CLCN3: variants seen among roughly 807,000 people sequenced by gnomAD.
CLCN3 encodes Cl-/H+ antiporter 3, also known as H(+)/Cl(-) exchange transporter 3.
Under a neutral mutation model 83.4 loss-of-function variants are expected in CLCN3, and 16 were observed. The observed-to-expected ratio is 0.19, with a 90% CI of 0.13 to 0.29. CLCN3 has a LOEUF of 0.29. CLCN3 is among the 10% of genes least tolerant of loss of function. The probability of loss-of-function intolerance (pLI) is 1.00; values close to 1 mark genes in which losing one functional copy is unlikely to be tolerated. For missense variants in CLCN3, 544 were observed against 1,006.0 expected, an observed-to-expected ratio of 0.54 and a Z score of 6.21; for synonymous variants, 322 against 346.2, an observed-to-expected ratio of 0.93 and a Z score of 0.78.
chr4:169,694,375 G>A (rs1315856257), intron 7 of CLCN3, among the ~76,000 whole-genome samples: 1 of 152,182 alleles, frequency 6.6e-6, no homozygotes, highest in African/African-American at 2.4e-5. Context: ...CTAGTAAGTA[G>A]CAGAGCCATG....
intron 4 of CLCN3, 114 bp from the exon 5 acceptor site, chr4:169,688,929 T>C: frequency 1.3e-6 from 1 of 770,166 alleles, no homozygotes; most frequent in Admixed American, 3.0e-5. Context: ...ATGTAGTTCA[T>C]AAATGACCCT....
At chr4:169,636,401 G>C (rs148210284) in intron 2 of CLCN3, among the ~76,000 whole-genome samples, 3 of 152,218 alleles carry the variant, frequency 2.0e-5, no homozygotes, top group African/African-American at 7.2e-5. Flanking sequence ...TGTGGAAATT[G>C]ATGAATTCCT....
At position 169,722,432 on chromosome 4, in the gene CLCN3, T is replaced by C. The variant is rs999393931; in HGVS notation, c.*2435T>C. The C allele has an allele frequency of 1.3e-5, 2 of 152,250 alleles. No homozygotes were observed. The highest frequency in any genetic ancestry group is 2.4e-5 in the African/African-American group (1 of 41,474). 9.4% of individuals were successfully genotyped at this position (152,250 alleles called of 1,614,324 possible). On this transcript the variant is annotated 3_prime_UTR_variant, in exon 13 of 13. Transcript: ENST00000513761. ...CCAGAGTAAAATCATTTCTAAATGA[T>C]AGTTCTGTATATCTCCAACTCGTCT...
intron 11 of CLCN3, among the ~76,000 whole-genome samples, chr4:169,710,274 TA>T (rs1334157297): frequency 1.3e-5 from 2 of 152,186 alleles, no homozygotes; most frequent in African/African-American, 4.8e-5. Context: ...AAAAGTGATT[TA>T]TTTTTTTGAG....
intron 2 of CLCN3, among the ~76,000 whole-genome samples, chr4:169,677,549 A>G (rs1731728184): frequency 2.0e-5 from 3 of 152,348 alleles, no homozygotes; most frequent in East Asian, 1.9e-4. Context: ...TATAGCACAC[A>G]GTAAGATGTT....
intron 2 of CLCN3, among the ~76,000 whole-genome samples, chr4:169,654,351 G>C (rs1315189456): frequency 6.6e-6 from 1 of 151,464 alleles, no homozygotes; most frequent in Admixed American, 6.6e-5. Flanking sequence ...CCAATGAATT[G>C]GTTTGCCTTT....
intron 4 of CLCN3, 81 bp from the exon 5 acceptor site, chr4:169,688,962 C>G (rs1732262351): frequency 2.5e-6 from 3 of 1,199,118 alleles, no homozygotes; most frequent in South Asian, 1.4e-5. Context: ...CTCCTGCTTT[C>G]TACTTGCCTT....
At chr4:169,696,404 AT>A (rs906719673) in intron 8 of CLCN3, among the ~76,000 whole-genome samples, 4 of 151,504 alleles carry the variant, frequency 2.6e-5, no homozygotes, top group Non-Finnish European at 2.9e-5. Context: ...GTAACCAGGA[AT>A]TTTTTTTTAA....
intron 3 of CLCN3, among the ~76,000 whole-genome samples, chr4:169,683,368 G>A (rs1026191414): frequency 3.3e-5 from 5 of 152,206 alleles, no homozygotes; most frequent in East Asian, 3.9e-4. Flanking sequence ...AGTGTCTTGC[G>A]CCTATAGTCC....
chr4:169,632,673 C>T (rs983091299), intron 1 of CLCN3, among the ~76,000 whole-genome samples: 2 of 141,458 alleles, frequency 1.4e-5, no homozygotes, highest in Admixed American at 7.5e-5. Context: ...GCAGCGATCG[C>T]GCCACTGCAC....
intron 2 of CLCN3, among the ~76,000 whole-genome samples, chr4:169,679,069 G>T (rs1050955820): frequency 1.3e-5 from 2 of 151,736 alleles, no homozygotes; most frequent in African/African-American, 2.4e-5. Flanking sequence ...GGGTGGCCGG[G>T]CGGAGACGCT....
intron 11 of CLCN3, among the ~76,000 whole-genome samples, chr4:169,709,603 T>A (rs151295363): frequency 5.5e-4 from 84 of 151,840 alleles, no homozygotes; most frequent in African/African-American, 2.0e-3. Context: ...GAGAATCACT[T>A]GAACCTGGGA....
intron 2 of CLCN3, among the ~76,000 whole-genome samples, chr4:169,659,759 C>A (rs974458756): frequency 1.3e-5 from 2 of 151,828 alleles, no homozygotes; most frequent in African/African-American, 4.8e-5. Context: ...AACCAAGTTT[C>A]TTGAGAAACC....
At chr4:169,701,594 C>A (rs1430952733) in intron 9 of CLCN3, among the ~76,000 whole-genome samples, 1 of 152,142 alleles carries the variant, frequency 6.6e-6, no homozygotes, top group East Asian at 1.9e-4. Flanking sequence ...GCGAACCATA[C>A]AGATCTTCAG....
intron 1 of CLCN3, among the ~76,000 whole-genome samples, chr4:169,631,075 G>C (rs1456678370): frequency 6.6e-6 from 1 of 152,182 alleles, no homozygotes; most frequent in Non-Finnish European, 1.5e-5. Flanking sequence ...CATTCCCACT[G>C]ACAGTGTATA....
intron 2 of CLCN3, among the ~76,000 whole-genome samples, chr4:169,649,926 A>G (rs748620205): frequency 2.6e-5 from 4 of 152,140 alleles, no homozygotes; most frequent in Non-Finnish European, 5.9e-5. Flanking sequence ...TCTACAAAAA[A>G]TATAAAAATT....
At position 169,647,797 on chromosome 4, in the gene CLCN3, C is replaced by G. The variant is rs949830242; in HGVS notation, c.160+11709C>G. 2.0e-5 allele frequency among the ~76,000 whole-genome samples: 3 copies of G among 152,298 alleles called. No homozygotes were observed. In the East Asian group the frequency reaches 5.8e-4, roughly 29 times the overall value. ...TATGGAGGAGAAGCTCAATTCCTAC[C>G]TCCCTTGAGGGTGGACTGGACTTAG... is the stretch of plus-strand genomic sequence containing the variant. On this transcript the variant is annotated intron_variant, in intron 2 of 12. Transcript: ENST00000513761.
chr4:169,643,461 C>G lies in CLCN3; in HGVS notation c.160+7373C>G, dbSNP rs7435394. 4.2e-3 allele frequency among the ~76,000 whole-genome samples: 643 copies of G among 152,196 alleles called. 7 individuals are homozygous for G. The highest frequency in any genetic ancestry group is 0.037 in the South Asian group (177 of 4,830). On this transcript the variant is annotated intron_variant, in intron 2 of 12. Transcript: ENST00000513761. Reference sequence around the variant, plus strand: ...GTCAAGCTGGTCTCAAACTCCTGACCTCAGGTTATCCACCCGCCTCGGCCT... The same window carrying G: ...GTCAAGCTGGTCTCAAACTCCTGACGTCAGGTTATCCACCCGCCTCGGCCT...
chr4:169,657,562 G>A (rs565485902), intron 2 of CLCN3, among the ~76,000 whole-genome samples: 31 of 152,006 alleles, frequency 2.0e-4, no homozygotes, highest in Non-Finnish European at 3.7e-4. Context: ...TACAAGGGGC[G>A]GCTTAAAGGT....
Sources: gnomAD v4.1 joint callset for allele counts (sites outside exome capture counted in the v4.1 genomes callset) on GRCh38, gnomAD v4.1.1 for gene constraint, MANE v1.5 for transcripts, NCBI Gene and HGNC (gene_info 2026-07-23, HGNC 2026-07-21) for gene names.